The following HDAC9 variants were observed in gnomAD, a reference collection of about 807,000 sequenced individuals.
The protein encoded by HDAC9 is histone deacetylase 9.
HDAC9 carries 41 observed loss-of-function variants against 139.4 expected under a neutral mutation model. The observed-to-expected ratio is 0.29, with a 90% confidence interval of 0.23 to 0.38. The LOEUF (loss-of-function observed/expected upper bound fraction) is 0.38. Ranked by LOEUF, HDAC9 falls within the 10% of genes least tolerant of loss-of-function variation. The probability of loss-of-function intolerance (pLI) is 1.00; values close to 1 mark genes in which losing one functional copy is unlikely to be tolerated. For synonymous variants in HDAC9, 517 were observed against 476.2 expected (o/e 1.09, Z -1.12); for missense variants, 1,147 against 1,297.0 (o/e 0.88, Z 1.78).
intron 2 of HDAC9, among the ~76,000 whole-genome samples, chr7:18,228,111 G>T (rs1234731368): frequency 6.6e-6 from 1 of 152,096 alleles, no homozygotes; most frequent in African/African-American, 2.4e-5. Flanking sequence ...TTATCTGGTG[G>T]AAATGTTAAT....
At chr7:18,512,804 A>G (rs996113617) in intron 2 of HDAC9, among the ~76,000 whole-genome samples, 22 of 152,244 alleles carry the variant, frequency 1.4e-4, no homozygotes, top group African/African-American at 5.1e-4. Flanking sequence ...AGGCATACTG[A>G]TTCCAGAAAT....
intron 6 of HDAC9, among the ~76,000 whole-genome samples, chr7:18,624,012 G>T (rs1333781915): frequency 6.6e-6 from 1 of 152,182 alleles, no homozygotes; most frequent in East Asian, 1.9e-4. Context: ...TTCTACACAA[G>T]ATAGTTTGTG....
chr7:18,431,907 T>C (rs1330721670), intron 1 of HDAC9, among the ~76,000 whole-genome samples: 1 of 152,178 alleles, frequency 6.6e-6, no homozygotes, highest in Non-Finnish European at 1.5e-5. Flanking sequence ...TGAGTACTAT[T>C]TTCATTGCCT....
chr7:18,313,125 A>G (rs1401058123), intron 1 of HDAC9, among the ~76,000 whole-genome samples: 3 of 152,122 alleles, frequency 2.0e-5, no homozygotes, highest in Non-Finnish European at 4.4e-5. Context: ...CGAAGAAAAC[A>G]TTTCTTCATC....
chr7:18,754,692 G>A lies in HDAC9; in HGVS notation c.2043+5554G>A, dbSNP rs1399495815. 5.3e-5 allele frequency among the ~76,000 whole-genome samples: 8 copies of A among 152,192 alleles called. No individual in the cohort carries two copies. In the East Asian group the frequency reaches 1.5e-3, roughly 29 times the overall value. ...AGTAATTACAAAACAATTCTGGGACGCAAAACCAAGCTACTGTTGTCCCTT... is the reference window on the plus strand; with the variant it reads ...AGTAATTACAAAACAATTCTGGGACACAAAACCAAGCTACTGTTGTCCCTT... On this transcript the variant is annotated intron_variant, in intron 14 of 25. Coordinates refer to ENST00000686413, the MANE Select transcript of HDAC9 (RefSeq NM_178425.4).
intron 23 of HDAC9, among the ~76,000 whole-genome samples, chr7:18,936,764 T>G (rs560172103): frequency 6.6e-6 from 1 of 152,186 alleles, no homozygotes; most frequent in Non-Finnish European, 1.5e-5. Context: ...GATAAACATA[T>G]ACAAAATCTT....
intron 21 of HDAC9, among the ~76,000 whole-genome samples, chr7:18,854,873 A>C (rs1359859386): frequency 1.3e-5 from 2 of 152,160 alleles, no homozygotes; most frequent in Non-Finnish European, 2.9e-5. Context: ...TTAATGGTCT[A>C]TATATTTTGA....
At chr7:18,946,221 C>G (rs2389996) in intron 23 of HDAC9, among the ~76,000 whole-genome samples, 89,628 of 151,718 alleles carry the variant, frequency 0.59, 27,174 homozygotes, top group African/African-American at 0.69. Context: ...TTGATATCTG[C>G]TAGAACAAAT....
chr7:18,782,249 C>T (rs530100654), intron 16 of HDAC9, among the ~76,000 whole-genome samples: 1 of 152,222 alleles, frequency 6.6e-6, no homozygotes, highest in South Asian at 2.1e-4. Context: ...CCACATTAAA[C>T]ATGCACAGTG....
chr7:18,415,460 G>T (rs1297610061), intron 1 of HDAC9, among the ~76,000 whole-genome samples: 1 of 152,148 alleles, frequency 6.6e-6, no homozygotes, highest in Admixed American at 6.5e-5. Flanking sequence ...TCAAAGAGAG[G>T]CATTTAGCTA....
At chr7:18,314,858 GTTTTATATTTCAGAT>G (rs1799534236) in intron 1 of HDAC9, among the ~76,000 whole-genome samples, 1 of 152,136 alleles carries the variant, frequency 6.6e-6, no homozygotes, top group Admixed American at 6.6e-5. Flanking sequence ...TGAAATTCGT[GTTTTATATTTCAGAT>G]TTTTATTCTT....
chr7:18,304,816 A>G (rs751730237), intron 1 of HDAC9, among the ~76,000 whole-genome samples: 28 of 152,152 alleles, frequency 1.8e-4, no homozygotes, highest in Non-Finnish European at 4.0e-4. Flanking sequence ...TCTAAGAGAA[A>G]TTCTCCAGCA....
chr7:18,872,689 C>G (rs1033940367), intron 21 of HDAC9, among the ~76,000 whole-genome samples: 3 of 152,144 alleles, frequency 2.0e-5, no homozygotes, highest in African/African-American at 7.2e-5. Context: ...TGTGGGCAAT[C>G]TTGTCTCCTC....
rs139871095 is a variant in HDAC9, at chr7:18,791,431, A to G, written c.2215-1914A>G. Among the ~76,000 whole-genome samples the G allele has an allele frequency of 3.1e-3, 468 of 152,248 alleles. 4 individuals are homozygous for G. Among genetic ancestry groups the G allele is most frequent in the African/African-American group, 0.011 (450 of 41,558 alleles). On this transcript the variant is annotated intron_variant, in intron 16 of 25. Coordinates refer to ENST00000686413, the MANE Select transcript of HDAC9 (RefSeq NM_178425.4). Reference sequence around the variant, plus strand: ...TAATACATGGTAAATAATGGTTTTTATTTTTCAACTTGTGCAGTCATCTTC... The same window carrying G: ...TAATACATGGTAAATAATGGTTTTTGTTTTTCAACTTGTGCAGTCATCTTC...
At chr7:18,342,866 G>C (rs1161787749) in intron 1 of HDAC9, among the ~76,000 whole-genome samples, 2 of 151,850 alleles carry the variant, frequency 1.3e-5, no homozygotes, top group Non-Finnish European at 2.9e-5. Context: ...CAAGCAAAGA[G>C]TGAAGTGGAT....
At chr7:18,720,990 T>A (rs1785104173) in intron 12 of HDAC9, among the ~76,000 whole-genome samples, 1 of 152,160 alleles carries the variant, frequency 6.6e-6, no homozygotes, top group African/African-American at 2.4e-5. Flanking sequence ...ATTTTTATTT[T>A]CTTTTTTCAT....
chr7:18,729,606 C>T (rs1381069930), intron 13 of HDAC9, among the ~76,000 whole-genome samples: 4 of 152,014 alleles, frequency 2.6e-5, no homozygotes, highest in Admixed American at 6.6e-5. Context: ...GACTGTAAAC[C>T]CAGCAACATA....
chr7:18,159,707 C>T (rs1017971070), intron 1 of HDAC9, among the ~76,000 whole-genome samples: 15 of 152,006 alleles, frequency 9.9e-5, no homozygotes, highest in East Asian at 7.7e-4. Flanking sequence ...GTAATGATAA[C>T]TTTGGTTTAA....
At chr7:18,103,271 GGTGAGATTTGGTT>G (rs1446263752) in intron 1 of HDAC9, among the ~76,000 whole-genome samples, 2 of 152,096 alleles carry the variant, frequency 1.3e-5, no homozygotes, top group Non-Finnish European at 2.9e-5. Context: ...TACAATTCAG[GGTGAGATTTGGTT>G]GGGGACACAG....
Sources: gnomAD v4.1 joint callset for allele counts (sites outside exome capture counted in the v4.1 genomes callset) on GRCh38, gnomAD v4.1.1 for gene constraint, MANE v1.5 for transcripts, NCBI Gene and HGNC (gene_info 2026-07-23, HGNC 2026-07-21) for gene names.